Variants in KDM4C observed in about 807,000 individuals in gnomAD.
KDM4C encodes the protein lysine-specific demethylase 4C.
A neutral mutation model predicts 129.3 loss-of-function variants in KDM4C; 81 were observed. That is an observed-to-expected ratio of 0.63 (90% confidence interval 0.52 to 0.75). The LOEUF is 0.75. Among genes scored for constraint, KDM4C ranks in the 30% least tolerant of loss-of-function variants. The probability of loss-of-function intolerance (pLI) is 0.00; values close to 1 mark genes in which losing one functional copy is unlikely to be tolerated. For missense variants in KDM4C, 1,457 were observed against 1,304.0 expected (o/e 1.12, Z -1.81); for synonymous variants, 573 against 456.1 (o/e 1.26, Z -3.26).
At chr9:7,071,719 A>G (rs1306969785) in intron 17 of KDM4C, among the ~76,000 whole-genome samples, 4 of 152,192 alleles carry the variant, frequency 2.6e-5, no homozygotes, top group Admixed American at 1.3e-4. Context: ...GCCCTATGAG[A>G]TTTCTTAGAT....
At chr9:6,805,859 A>G (rs1481152705) in intron 3 of KDM4C, 85 bp downstream of exon 3, 2 of 1,278,702 alleles carry the variant, frequency 1.6e-6, no homozygotes, top group East Asian at 2.5e-5. Context: ...AGGAGCTTAT[A>G]AATGAAAAGC....
intron 5 of KDM4C, among the ~76,000 whole-genome samples, chr9:6,854,525 C>CAAAAAAAAAAAAAAAAAA (rs1177446839): frequency 2.9e-4 from 12 of 41,342 alleles, no homozygotes; most frequent in East Asian, 6.4e-4. Flanking sequence ...AACTCCGTCT[C>CAAAAAAAAAAAAAAAAAA]AAAAAAAAAA....
chr9:6,824,606 C>A (rs1299963355), intron 4 of KDM4C, among the ~76,000 whole-genome samples: 1 of 149,942 alleles, frequency 6.7e-6, no homozygotes, highest in Non-Finnish European at 1.5e-5. Context: ...GAAATTAAGG[C>A]CGGGCGTGGT....
At chr9:6,791,932 G>T (rs556350419) in intron 1 of KDM4C, among the ~76,000 whole-genome samples, 1 of 152,276 alleles carries the variant, frequency 6.6e-6, no homozygotes, top group African/African-American at 2.4e-5. Flanking sequence ...TGAGGCAGGA[G>T]AATCACTGGA....
intron 17 of KDM4C, among the ~76,000 whole-genome samples, chr9:7,098,821 C>G (rs10121556): frequency 0.034 from 5,246 of 152,274 alleles, 266 homozygotes; most frequent in African/African-American, 0.12. Context: ...AGACTTCCCC[C>G]AGTGCTAGCC....
intron 12 of KDM4C, among the ~76,000 whole-genome samples, chr9:6,992,333 C>T (rs1315028456): frequency 1.3e-5 from 2 of 152,160 alleles, no homozygotes; most frequent in Non-Finnish European, 2.9e-5. Flanking sequence ...GTTTGTATAG[C>T]TTGCAAGATT....
chr9:7,041,412 C>G, intron 15 of KDM4C, among the ~76,000 whole-genome samples: 1 of 151,966 alleles, frequency 6.6e-6, no homozygotes, highest in East Asian at 1.9e-4. Context: ...CCCTTGGATA[C>G]TGAGGGTCGA....
At chr9:6,980,025 G>A (rs1816492126) in intron 8 of KDM4C, among the ~76,000 whole-genome samples, 1 of 152,190 alleles carries the variant, frequency 6.6e-6, no homozygotes, top group African/African-American at 2.4e-5. Flanking sequence ...AATTTGCATG[G>A]AGGTGATAAT....
intron 6 of KDM4C, 115 bp from the exon 7 acceptor site, chr9:6,887,845 G>T: frequency 1.5e-6 from 1 of 678,016 alleles, no homozygotes; most frequent in Admixed American, 2.2e-5. Flanking sequence ...GGCAGAAGAG[G>T]TCCATACTTG....
chr9:6,967,181 G>C (rs903297052), intron 8 of KDM4C, among the ~76,000 whole-genome samples: 2 of 151,868 alleles, frequency 1.3e-5, no homozygotes, highest in African/African-American at 2.4e-5. Flanking sequence ...CCCAGCACTT[G>C]GGGAGGCCAA....
chr9:7,131,255 A>C (rs1840601594), intron 19 of KDM4C, among the ~76,000 whole-genome samples: 1 of 152,080 alleles, frequency 6.6e-6, no homozygotes, highest in Admixed American at 6.6e-5. Context: ...CAAGTTCCAT[A>C]TACTTTCTAA....
At chr9:6,837,413 C>T (rs1248304786) in intron 4 of KDM4C, among the ~76,000 whole-genome samples, 1 of 152,162 alleles carries the variant, frequency 6.6e-6, no homozygotes, top group African/African-American at 2.4e-5. Flanking sequence ...ACAAAATTCA[C>T]CCATTTTAAG....
At chr9:6,883,826 TG>T (rs1262736730) in intron 6 of KDM4C, among the ~76,000 whole-genome samples, 1 of 152,106 alleles carries the variant, frequency 6.6e-6, no homozygotes, top group Non-Finnish European at 1.5e-5. Flanking sequence ...GTTCTTGGCT[TG>T]GGGAGTCCTT....
intron 21 of KDM4C, 160 bp downstream of exon 21, chr9:7,170,050 T>G (rs1352007463): frequency 3.3e-6 from 5 of 1,514,452 alleles, no homozygotes; most frequent in Non-Finnish European, 2.7e-6. Context: ...AATGCAAACT[T>G]CAAATTCAAC....
In KDM4C at chr9:7,013,878, C is replaced by T. The variant is rs1444053459; in HGVS notation, c.2059C>T (p.Pro687Ser). 2 of 1,613,938 alleles carry T rather than the reference C, an allele frequency of 1.2e-6. No homozygotes were observed. Among genetic ancestry groups the T allele is most frequent in the South Asian group, 2.2e-5 (2 of 91,080 alleles). Residue 687 changes from proline (P) to serine (S), a missense_variant, in exon 14 of 22, where the codon CCA becomes TCA. Transcript: ENST00000381309. ...TSEGKTKPLIPEMCFIYSEEN... is the reference protein window; with the variant it reads ...TSEGKTKPLISEMCFIYSEEN... ...GGAGGGAAAGACTAAGCCCCTCATACCAGAGATGTGTTTTATTTATAGTGA... is the reference window on the plus strand; with the variant it reads ...GGAGGGAAAGACTAAGCCCCTCATATCAGAGATGTGTTTTATTTATAGTGA...
chr9:7,068,872 T>C (rs1431855167), intron 17 of KDM4C, among the ~76,000 whole-genome samples: 5 of 151,930 alleles, frequency 3.3e-5, no homozygotes, highest in Admixed American at 6.6e-5. Flanking sequence ...AGTTTTTGTA[T>C]TTTTAGTAGA....
chr9:6,817,566 G>C (rs1537368), intron 4 of KDM4C, among the ~76,000 whole-genome samples: 1 of 151,828 alleles, frequency 6.6e-6, no homozygotes, highest in Non-Finnish European at 1.5e-5. Context: ...GTATATGTTT[G>C]AAATAGTAAA....
intron 1 of KDM4C, among the ~76,000 whole-genome samples, chr9:6,764,213 T>G (rs1016455710): frequency 2.0e-5 from 3 of 152,360 alleles, no homozygotes; most frequent in Non-Finnish European, 1.5e-5. Flanking sequence ...GGCTGCCCAG[T>G]TGGAATTTCC....
intron 21 of KDM4C, among the ~76,000 whole-genome samples, chr9:7,172,243 G>C (rs928859980): frequency 1.3e-5 from 2 of 152,098 alleles, no homozygotes; most frequent in East Asian, 1.9e-4. Flanking sequence ...CACGCTGACT[G>C]GGGGAGAAAC....
Sources: gnomAD v4.1 joint callset for allele counts (sites outside exome capture counted in the v4.1 genomes callset) on GRCh38, gnomAD v4.1.1 for gene constraint, MANE v1.5 for transcripts, NCBI Gene and HGNC (gene_info 2026-07-23, HGNC 2026-07-21) for gene names.